Variants in RAB20 observed in about 807,000 individuals in gnomAD.
RAB20 encodes RAB20, member RAS oncogene family.
RAB20 carries 2 observed loss-of-function variants against 3.7 expected under a neutral mutation model. The ratio of observed to expected loss-of-function variants is 0.54; its 90% CI spans 0.22 to 1.69. RAB20 has a LOEUF of 1.69. Among genes scored for constraint, RAB20 ranks in the 40% most tolerant of loss-of-function variants. The pLI, the probability that RAB20 is intolerant of heterozygous loss-of-function variation, is 0.19. For synonymous variants in RAB20, 126 were observed against 130.8 expected, an observed-to-expected ratio of 0.96 and a Z score of 0.25; for missense variants, 276 against 311.9, an observed-to-expected ratio of 0.88 and a Z score of 0.87.
At chr13:110,526,189 C>CAACT (rs1256488791) in intron 1 of RAB20, among the ~76,000 whole-genome samples, 2 of 100,070 alleles carry the variant, frequency 2.0e-5, no homozygotes, top group Non-Finnish European at 4.3e-5. Context: ...GAGCTGGGAA[C>CAACT]GACTGACAGC....
chr13:110,549,145 C>T (rs534906081), intron 1 of RAB20, among the ~76,000 whole-genome samples: 3 of 152,300 alleles, frequency 2.0e-5, no homozygotes, highest in East Asian at 1.9e-4. Context: ...GAAAGACATC[C>T]GTTGCCATCA....
intron 1 of RAB20, among the ~76,000 whole-genome samples, chr13:110,538,892 T>C (rs1308019941): frequency 6.6e-6 from 1 of 152,094 alleles, no homozygotes; most frequent in Non-Finnish European, 1.5e-5. Context: ...CCTGTCACCA[T>C]CCAGGAAACA....
chr13:110,543,682 C>T (rs763801679), intron 1 of RAB20, among the ~76,000 whole-genome samples: 1 of 152,044 alleles, frequency 6.6e-6, no homozygotes, highest in Non-Finnish European at 1.5e-5. Flanking sequence ...GAATCATTAG[C>T]CAGACCAATA....
chr13:110,526,359 A>G (rs542160264), intron 1 of RAB20, among the ~76,000 whole-genome samples: 95 of 152,256 alleles, frequency 6.2e-4, no homozygotes, highest in Non-Finnish European at 1.2e-3. Flanking sequence ...CTGATTTTTT[A>G]AAAAGAAGCT....
At chr13:110,551,145 TG>T (rs1884944781) in intron 1 of RAB20, among the ~76,000 whole-genome samples, 1 of 152,154 alleles carries the variant, frequency 6.6e-6, no homozygotes, top group African/African-American at 2.4e-5. Flanking sequence ...TTACATTCTA[TG>T]GAAAACTCCA....
intron 1 of RAB20, among the ~76,000 whole-genome samples, chr13:110,542,135 AGTTTT>A (rs1476263209): frequency 4.6e-5 from 7 of 152,074 alleles, no homozygotes; most frequent in East Asian, 3.9e-4. Flanking sequence ...CAGGATGACG[AGTTTT>A]GTTTTGTTTT....
intron 1 of RAB20, among the ~76,000 whole-genome samples, chr13:110,547,609 A>G (rs956712837): frequency 1.4e-4 from 21 of 152,184 alleles, no homozygotes; most frequent in African/African-American, 4.8e-4. Flanking sequence ...TGGTGAGATT[A>G]AGTGCATAAA....
intron 1 of RAB20, among the ~76,000 whole-genome samples, chr13:110,551,665 A>C (rs928637926): frequency 1.3e-5 from 2 of 152,102 alleles, no homozygotes; most frequent in African/African-American, 4.8e-5. Flanking sequence ...TATCCTAAGA[A>C]TCAACAGCTG....
At chr13:110,525,865 T>C (rs1884420825) in intron 1 of RAB20, among the ~76,000 whole-genome samples, 1 of 152,230 alleles carries the variant, frequency 6.6e-6, no homozygotes, top group African/African-American at 2.4e-5. Context: ...CCGAGCAGGC[T>C]GTGCATGGCA....
chr13:110,556,300 T>C (rs1258915736), intron 1 of RAB20, among the ~76,000 whole-genome samples: 2 of 152,158 alleles, frequency 1.3e-5, no homozygotes, highest in African/African-American at 4.8e-5. Context: ...GAGGGGCTGG[T>C]TCAGAGGGAT....
intron 1 of RAB20, among the ~76,000 whole-genome samples, chr13:110,548,659 A>G (rs938103805): frequency 6.6e-6 from 1 of 151,648 alleles, no homozygotes; most frequent in Non-Finnish European, 1.5e-5. Context: ...CACTGCTCCA[A>G]TGTGAGGGGT....
rs1885019249 is a variant in RAB20 at position 110,555,178 on chromosome 13, T to C, written c.172+6170A>G. ...CACATACAGTGGCAATTACTGTAAG[T>C]GTTGGAAGCACGAGTTTCGGAGGCA... On this transcript the variant is annotated intron_variant, in intron 1 of 1. Coordinates refer to ENST00000267328, the MANE Select transcript of RAB20 (RefSeq NM_017817.3). The surrounding 1 kb of genome is among the most constrained non-coding windows in gnomAD (Gnocchi z 4.0). Among the ~76,000 whole-genome samples, 1 of 152,208 alleles carries C rather than the reference T, an allele frequency of 6.6e-6. No individual in the cohort carries two copies. Among genetic ancestry groups the C allele is most frequent in the African/African-American group, 2.4e-5 (1 of 41,442 alleles).
At chr13:110,558,928 C>T (rs1026200469) in intron 1 of RAB20, among the ~76,000 whole-genome samples, 18 of 149,876 alleles carry the variant, frequency 1.2e-4, no homozygotes, top group Admixed American at 1.2e-3. Flanking sequence ...GATCTCTTGA[C>T]CTCGTGATCC....
At chr13:110,548,579 C>T (rs193191191) in intron 1 of RAB20, among the ~76,000 whole-genome samples, 430 of 152,148 alleles carry the variant, frequency 2.8e-3, no homozygotes, top group African/African-American at 1.0e-2. Flanking sequence ...ACCAGGGGAG[C>T]GCGGTGGGCT....
chr13:110,547,371 A>G (rs1226707701), intron 1 of RAB20, among the ~76,000 whole-genome samples: 1 of 152,236 alleles, frequency 6.6e-6, no homozygotes, highest in African/African-American at 2.4e-5. Context: ...ATCTTAACAC[A>G]TTGATCTCGT....
At chr13:110,528,567 A>G (rs986092400) in intron 1 of RAB20, among the ~76,000 whole-genome samples, 3 of 152,162 alleles carry the variant, frequency 2.0e-5, no homozygotes, top group Non-Finnish European at 2.9e-5. Context: ...ATCAGCTTCT[A>G]CCCACCAGAT....
chr13:110,524,213 G>A lies in RAB20; in HGVS notation c.173-16C>T. On this transcript the variant is annotated splice_polypyrimidine_tract_variant and intron_variant, in intron 1 of 1. Coordinates refer to ENST00000267328, the MANE Select transcript of RAB20 (RefSeq NM_017817.3). ...TGCTCCCGCCCTGGTGGGAAGAGAGGGACAGAAAGAGTGGTTATCTCTCAT... is the reference window on the plus strand; with the variant it reads ...TGCTCCCGCCCTGGTGGGAAGAGAGAGACAGAAAGAGTGGTTATCTCTCAT... 1.3e-6 allele frequency: 2 copies of A among 1,565,922 alleles called. No homozygotes were observed. The highest frequency in any genetic ancestry group is 1.7e-6 in the Non-Finnish European group (2 of 1,161,690).
intron 1 of RAB20, among the ~76,000 whole-genome samples, chr13:110,540,944 G>A (rs1368613453): frequency 2.0e-5 from 3 of 152,148 alleles, no homozygotes; most frequent in African/African-American, 2.4e-5. Flanking sequence ...CAAGCCCCGC[G>A]CAGCTGCCCA....
intron 1 of RAB20, among the ~76,000 whole-genome samples, chr13:110,526,118 T>C (rs1399874555): frequency 6.6e-6 from 1 of 152,112 alleles, no homozygotes; most frequent in African/African-American, 2.4e-5. Context: ...GGCCAGCTCA[T>C]CCCCTCCTCC....
Sources: gnomAD v4.1 joint callset for allele counts (sites outside exome capture counted in the v4.1 genomes callset) on GRCh38, gnomAD v4.1.1 for gene constraint, Gnocchi (gnomAD v3.1) non-coding constraint, MANE v1.5 for transcripts, NCBI Gene and HGNC (gene_info 2026-07-23, HGNC 2026-07-21) for gene names.